Variants in CCDC158 observed in about 807,000 individuals in gnomAD.
The protein encoded by CCDC158 is coiled-coil domain containing 158, also known as coiled-coil domain-containing protein 158.
CCDC158 carries 116 observed loss-of-function variants against 138.6 expected under a neutral mutation model. The ratio of observed to expected loss-of-function variants is 0.84; its 90% CI spans 0.72 to 0.98. CCDC158 has a LOEUF of 0.98. CCDC158 is among the 50% of genes least tolerant of loss of function. The pLI, the probability that CCDC158 is intolerant of heterozygous loss-of-function variation, is 0.00. For synonymous variants in CCDC158, 436 were observed against 442.4 expected, an observed-to-expected ratio of 0.99 and a Z score of 0.18; for missense variants, 1,265 against 1,306.1, an observed-to-expected ratio of 0.97 and a Z score of 0.48.
intron 10 of CCDC158, among the ~76,000 whole-genome samples, chr4:76,371,140 T>C (rs1725196157): frequency 6.6e-6 from 1 of 152,204 alleles, no homozygotes; most frequent in South Asian, 2.1e-4. Flanking sequence ...GTAACACTAC[T>C]TCAATTTAAT....
At chr4:76,336,877 G>C (rs1452227508) in intron 18 of CCDC158, among the ~76,000 whole-genome samples, 1 of 152,148 alleles carries the variant, frequency 6.6e-6, no homozygotes, top group Non-Finnish European at 1.5e-5. Context: ...GACTGAGCAG[G>C]CAGTCAACTC....
At chr4:76,394,990 G>A (rs1020097376) in intron 4 of CCDC158, among the ~76,000 whole-genome samples, 8 of 152,060 alleles carry the variant, frequency 5.3e-5, no homozygotes, top group East Asian at 3.9e-4. Flanking sequence ...GATATGTAAA[G>A]GCAAATAGTG....
At chr4:76,330,795 G>T (rs1254181354) in intron 21 of CCDC158, among the ~76,000 whole-genome samples, 1 of 152,144 alleles carries the variant, frequency 6.6e-6, no homozygotes, top group Non-Finnish European at 1.5e-5. Context: ...TTATATAAGG[G>T]ACTTGAGCAT....
intron 1 of CCDC158, among the ~76,000 whole-genome samples, chr4:76,418,783 A>C (rs1729892836): frequency 6.6e-6 from 1 of 152,168 alleles, no homozygotes; most frequent in Non-Finnish European, 1.5e-5. Flanking sequence ...GGGAGCTACA[A>C]TCCAAGATGA....
intron 3 of CCDC158, among the ~76,000 whole-genome samples, chr4:76,400,597 C>T (rs1346658564): frequency 6.6e-6 from 1 of 150,410 alleles, no homozygotes; most frequent in African/African-American, 2.5e-5. Flanking sequence ...ACTACCCACC[C>T]ACCACCCCCC....
chr4:76,330,257 T>C (rs900888170), intron 21 of CCDC158, among the ~76,000 whole-genome samples: 12 of 152,184 alleles, frequency 7.9e-5, no homozygotes, highest in Admixed American at 6.5e-4. Flanking sequence ...TGAGCTCCAC[T>C]GTTTTCAAGC....
At chr4:76,378,302 C>A (rs1579022344) in intron 9 of CCDC158, among the ~76,000 whole-genome samples, 1 of 152,250 alleles carries the variant, frequency 6.6e-6, no homozygotes, top group African/African-American at 2.4e-5. Context: ...GTACTGTTAC[C>A]CTATAGAATT....
chr4:76,344,512 A>G (rs1474071911), intron 18 of CCDC158: 14 of 817,124 alleles, frequency 1.7e-5, no homozygotes, highest in Middle Eastern at 3.5e-4. Flanking sequence ...TCCTCCAGCC[A>G]GTGCCTGATG....
At chr4:76,371,639 A>T (rs1272514738) in intron 9 of CCDC158, 103 bp from the exon 10 acceptor site, 1 of 1,432,828 alleles carries the variant, frequency 7.0e-7, no homozygotes, top group Non-Finnish European at 9.5e-7. Context: ...GAGAACAAAA[A>T]TAAAAGTTCG....
At position 76,400,602 on chromosome 4, in the gene CCDC158, C is replaced by A. The variant is rs541237429; in HGVS notation, c.70+2536G>T. Among the ~76,000 whole-genome samples the A allele has an allele frequency of 2.3e-3, 319 of 140,172 alleles. 1 individual carries two copies. The highest frequency in any genetic ancestry group is 3.2e-3 in the South Asian group (15 of 4,646). 92.0% of individuals were successfully genotyped at this position (140,172 alleles called of 152,430 possible). On this transcript the variant is annotated intron_variant, in intron 3 of 24. Coordinates refer to ENST00000682701, the MANE Select transcript of CCDC158 (RefSeq NM_001394954.1). ...CTTCCTCTGCACTACCCACCCACCA[C>A]CCCCCCAAAAAAAAGAATGGTGTGA... is the stretch of plus-strand genomic sequence containing the variant.
In CCDC158 at chr4:76,384,630, C is replaced by G. The variant is rs765214670; in HGVS notation, c.324G>C (p.Leu108Phe). ...TTTGCAAATCAATGACTGACTGCCTCAAATAAAACTTTTGTTTCTCATGCA... is the reference window on the plus strand; with the variant it reads ...TTTGCAAATCAATGACTGACTGCCTGAAATAAAACTTTTGTTTCTCATGCA... Reference protein sequence around the residue: ...NELHEKQKFYLRQSVIDLQTK... With the variant: ...NELHEKQKFYFRQSVIDLQTK... Residue 108 changes from leucine to phenylalanine, a missense_variant, in exon 5 of 25, where the codon TTG becomes TTC. Coordinates refer to ENST00000682701, the MANE Select transcript of CCDC158 (RefSeq NM_001394954.1). 1.5e-5 allele frequency: 24 copies of G among 1,613,244 alleles called. No individual in the cohort carries two copies. The highest frequency in any genetic ancestry group is 2.0e-5 in the Non-Finnish European group (24 of 1,179,740).
intron 8 of CCDC158, among the ~76,000 whole-genome samples, chr4:76,382,269 G>A (rs1309783918): frequency 1.3e-5 from 2 of 152,124 alleles, no homozygotes; most frequent in South Asian, 4.1e-4. Context: ...TCCCACTCAC[G>A]ACTCCTGTTA....
At chr4:76,387,250 A>C (rs1726885108) in intron 4 of CCDC158, among the ~76,000 whole-genome samples, 1 of 152,148 alleles carries the variant, frequency 6.6e-6, no homozygotes, top group African/African-American at 2.4e-5. Flanking sequence ...ACAGTAGGGT[A>C]GGGCAGTGGG....
chr4:76,336,423 C>T (rs902380026), intron 18 of CCDC158, among the ~76,000 whole-genome samples: 1 of 152,060 alleles, frequency 6.6e-6, no homozygotes, highest in Admixed American at 6.6e-5. Flanking sequence ...TATAAAACCA[C>T]AAAAATATCA....
chr4:76,332,217 A>T (rs1436300527), intron 20 of CCDC158, among the ~76,000 whole-genome samples: 1 of 152,194 alleles, frequency 6.6e-6, no homozygotes, highest in Non-Finnish European at 1.5e-5. Flanking sequence ...ACATCAGCAA[A>T]TTTTAAAGAA....
chr4:76,382,730 G>A lies in CCDC158; in HGVS notation c.804-10C>T, dbSNP rs760472310. ...TATTAACTGCTCAATCCTATAAAAA[G>A]AATGTGGTGATTGTCATTTGATACA... On this transcript the variant is annotated splice_polypyrimidine_tract_variant and intron_variant, in intron 7 of 24. Coordinates refer to ENST00000682701, the MANE Select transcript of CCDC158 (RefSeq NM_001394954.1). 1 of 1,542,658 alleles carries A rather than the reference G, an allele frequency of 6.5e-7. No homozygotes were observed. The highest frequency in any genetic ancestry group is 8.9e-7 in the Non-Finnish European group (1 of 1,119,876).
At position 76,353,144 on chromosome 4, in the gene CCDC158, A is replaced by T. The variant is rs1470654895; in HGVS notation, c.2424T>A (p.Asn808Lys). ...QERRLKEKVT[N>K]MEVALDKASL... is the part of the protein sequence containing the mutation. Reference sequence around the variant, plus strand: ...TTACCTTATCCAGAGCCACTTCCATATTAGTAACCTTTTCTTTCAAACGGC... The same window carrying T: ...TTACCTTATCCAGAGCCACTTCCATTTTAGTAACCTTTTCTTTCAAACGGC... Residue 808 changes from asparagine (N) to lysine (K), a missense_variant, in exon 16 of 25, where the codon AAT becomes AAA. Coordinates refer to ENST00000682701, the MANE Select transcript of CCDC158 (RefSeq NM_001394954.1). 2 of 1,612,798 alleles carry T rather than the reference A, an allele frequency of 1.2e-6. No homozygotes were observed. The highest frequency in any genetic ancestry group is 4.5e-5 in the East Asian group (2 of 44,846).
intron 23 of CCDC158, among the ~76,000 whole-genome samples, chr4:76,324,690 A>C (rs964013029): frequency 1.1e-4 from 16 of 152,158 alleles, no homozygotes; most frequent in African/African-American, 3.9e-4. Context: ...TTGGATGCTA[A>C]TCTGCCAAGT....
rs781215111 is a variant in CCDC158, at chr4:76,369,412, G to A, written c.1347+14C>T. 8 of 1,613,040 alleles carry A rather than the reference G, an allele frequency of 5.0e-6. No homozygotes were observed. In the African/African-American group the frequency reaches 9.3e-5, roughly 19 times the overall value. On this transcript the variant is annotated intron_variant, in intron 11 of 24. Coordinates refer to ENST00000682701, the MANE Select transcript of CCDC158 (RefSeq NM_001394954.1). ...AGATTGTTTGGCGATGGCACAGCCT[G>A]TGCAGGCACTGACCTGCCGCTCCAT...
Sources: allele counts gnomAD v4.1 joint callset (sites outside exome capture counted in the v4.1 genomes callset), GRCh38; gene constraint gnomAD v4.1.1; transcripts MANE v1.5; gene names NCBI Gene and HGNC (gene_info 2026-07-23, HGNC 2026-07-21).